The following FRMD7 variants were observed in gnomAD, a reference collection of about 807,000 sequenced individuals.
FRMD7 encodes the protein FERM domain-containing protein 7.
FRMD7 carries 14 observed loss-of-function variants against 44.1 expected under a neutral mutation model. The observed-to-expected ratio is 0.32, with a 90% CI of 0.21 to 0.50. FRMD7 has a LOEUF of 0.50. FRMD7 is among the 20% of genes least tolerant of loss of function. The pLI is 0.99. For synonymous variants in FRMD7, 212 were observed against 187.4 expected (o/e 1.13, Z -1.07); for missense variants, 501 against 522.3 (o/e 0.96, Z 0.40).
chrX:132,111,127 C>T (rs1454998502), intron 1 of FRMD7, among the ~76,000 whole-genome samples: 2 of 112,070 alleles, frequency 1.8e-5, no homozygotes, highest in Non-Finnish European at 3.8e-5. Flanking sequence ...AATATGATCA[C>T]ATCACTGTAC....
chrX:132,116,886 G>C (rs1352147454), intron 1 of FRMD7, among the ~76,000 whole-genome samples: 1 of 112,277 alleles, frequency 8.9e-6, no homozygotes, highest in Non-Finnish European at 1.9e-5. Context: ...ACTGCAACAT[G>C]GTGGTTCTTG....
rs749047439 is a variant in FRMD7 at position 132,107,604 on chromosome X, G to GGAGAGAGAGA, written c.58-6898_58-6889dup. ...CCTTTTCACTATATTTCTACATGGT[G>GGAGAGAGAGA]GAGAGAGAGAGAGAGAGAGAGAGAG... On this transcript the variant is annotated intron_variant, in intron 1 of 11. Transcript: ENST00000298542. 7.7e-4 allele frequency among the ~76,000 whole-genome samples: 70 copies of GGAGAGAGAGA among 91,193 alleles called. 1 individual carries two copies. Among genetic ancestry groups the GGAGAGAGAGA allele is most frequent in the Admixed American group, 9.2e-4 (8 of 8,653 alleles). The allele number at this position is 91,193 out of a possible 115,157, so 79.2% of individuals were successfully genotyped here. A position where few individuals can be genotyped will look rare whatever the true frequency, so the allele number is the denominator to read the frequency against.
intron 1 of FRMD7, among the ~76,000 whole-genome samples, chrX:132,105,199 C>G (rs1928614120): frequency 9.0e-6 from 1 of 111,598 alleles, no homozygotes; most frequent in Non-Finnish European, 1.9e-5. Flanking sequence ...AAAGGGAATA[C>G]AATCAGAAGT....
intron 1 of FRMD7, among the ~76,000 whole-genome samples, chrX:132,117,672 G>A (rs1928935301): frequency 1.8e-5 from 2 of 111,896 alleles, no homozygotes; most frequent in Admixed American, 9.5e-5. Flanking sequence ...AAGGATCACA[G>A]AGTAAAGCTC....
intron 1 of FRMD7, among the ~76,000 whole-genome samples, chrX:132,108,357 C>A (rs1033238276): frequency 4.5e-5 from 5 of 111,334 alleles, no homozygotes; most frequent in Non-Finnish European, 9.4e-5. Flanking sequence ...TACAAAAAAA[C>A]CACTGAATTG....
intron 1 of FRMD7, among the ~76,000 whole-genome samples, chrX:132,108,881 T>G (rs1928710301): frequency 9.0e-6 from 1 of 110,919 alleles, no homozygotes; most frequent in Admixed American, 9.6e-5. Context: ...TGTGAAGAGG[T>G]GCCCGTCCGC....
intron 4 of FRMD7, among the ~76,000 whole-genome samples, 172 bp downstream of exon 4, chrX:132,097,094 T>C (rs1485134019): frequency 1.8e-5 from 2 of 111,222 alleles, no homozygotes; most frequent in African/African-American, 6.6e-5. Context: ...CTTTGGATGA[T>C]GAACACCTGG....
chrX:132,115,346 A>G (rs1375168434), intron 1 of FRMD7, among the ~76,000 whole-genome samples: 1 of 112,576 alleles, frequency 8.9e-6, no homozygotes, highest in Non-Finnish European at 1.9e-5. Flanking sequence ...GGTATGCAGC[A>G]TAACTCAAAA....
At chrX:132,113,805 T>C (rs1298147248) in intron 1 of FRMD7, among the ~76,000 whole-genome samples, 1 of 111,441 alleles carries the variant, frequency 9.0e-6, no homozygotes, top group East Asian at 2.8e-4. Flanking sequence ...ACTCTTTTAG[T>C]TATTTTAAAA....
chrX:132,088,236 C>G (rs1241011361), intron 5 of FRMD7, among the ~76,000 whole-genome samples: 1 of 112,395 alleles, frequency 8.9e-6, no homozygotes, highest in Non-Finnish European at 1.9e-5. Context: ...TTTACTTGCA[C>G]TCAACATGAT....
At chrX:132,097,210 G>A in intron 4 of FRMD7, 56 bp downstream of exon 4, 1 of 869,473 alleles carries the variant, frequency 1.2e-6, no homozygotes, top group South Asian at 2.0e-5. Flanking sequence ...CCCAATAAAT[G>A]GAGAATAATG....
chrX:132,087,427 G>A (rs1772567258), intron 5 of FRMD7, among the ~76,000 whole-genome samples: 1 of 110,671 alleles, frequency 9.0e-6, no homozygotes, highest in Non-Finnish European at 1.9e-5. Flanking sequence ...TTTTCCATTT[G>A]TGTTTTAGAC....
chrX:132,081,768 C>CT (rs150405845), intron 9 of FRMD7, among the ~76,000 whole-genome samples: 9,669 of 110,683 alleles, frequency 0.087, 378 homozygotes, highest in Non-Finnish European at 0.11. Context: ...AAGACAAGAT[C>CT]TTTTTTTTTA....
At position 132,091,670 on chromosome X, in the gene FRMD7, C is replaced by CAA. The variant is rs35822147; in HGVS notation, c.382+2370_382+2371dup. Among the ~76,000 whole-genome samples, 399 of 48,106 alleles carry CAA rather than the reference C, an allele frequency of 8.3e-3. 4 individuals are homozygous for CAA. The highest frequency in any genetic ancestry group is 0.025 in the African/African-American group (348 of 13,801). 41.8% of individuals were successfully genotyped at this position (48,106 alleles called of 115,157 possible). ...GAAACCCTGTCTCTAACTAAAAATA[C>CAA]AAAAAAAAAAAAAAAAAAGCCGGGT... is the stretch of plus-strand genomic sequence containing the variant. On this transcript the variant is annotated intron_variant, in intron 5 of 11. Transcript: ENST00000298542.
intron 3 of FRMD7, 83 bp from the exon 4 acceptor site, chrX:132,097,427 A>G: frequency 3.7e-6 from 2 of 545,612 alleles, no homozygotes; most frequent in Non-Finnish European, 6.5e-6. Context: ...ACACACACAC[A>G]CCCACACACA....
intron 5 of FRMD7, among the ~76,000 whole-genome samples, chrX:132,086,490 G>C (rs1261504069): frequency 9.0e-6 from 1 of 110,852 alleles, no homozygotes; most frequent in Non-Finnish European, 1.9e-5. Flanking sequence ...GGTGATTGAG[G>C]TGAAATGACT....
At chrX:132,088,143 G>T (rs1176389099) in intron 5 of FRMD7, among the ~76,000 whole-genome samples, 7 of 112,285 alleles carry the variant, frequency 6.2e-5, no homozygotes, top group Non-Finnish European at 1.3e-4. Flanking sequence ...ATTCAACATT[G>T]TACTGATGGT....
rs767688020 is a variant in FRMD7 at position 132,085,719 on chromosome X, G to T, written c.507C>A (p.Ser169Arg). ...MHFHQKHIGR[S>R]PAESDILLLD... is the part of the protein sequence containing the mutation. ...GTAGCAGAATGTCAGATTCAGCTGG[G>T]CTCCTGCCACTGAAAGGGGAAAGAA... is the stretch of plus-strand genomic sequence containing the variant. The change falls in exon 7 of 12, where the codon AGC (serine) becomes AGA (arginine). Residue 169 changes from serine to arginine, a missense_variant. By Grantham distance (110) the Ser-to-Arg change is moderately radical. This residue lies in a region of FRMD7 where 453 missense variants were observed against 452.7 expected (regional missense o/e 1.00). Coordinates refer to ENST00000298542, the MANE Select transcript of FRMD7 (RefSeq NM_194277.3). 1 of 1,209,408 alleles carries T rather than the reference G, an allele frequency of 8.3e-7. No homozygotes were observed. The highest frequency in any genetic ancestry group is 1.1e-6 in the Non-Finnish European group (1 of 893,529).
chrX:132,119,257 G>T (rs1928977972), intron 1 of FRMD7, among the ~76,000 whole-genome samples: 1 of 112,349 alleles, frequency 8.9e-6, no homozygotes, highest in African/African-American at 3.2e-5. Context: ...AGTAATGATT[G>T]TATGAAATAA....
Sources: allele counts gnomAD v4.1 joint callset (sites outside exome capture counted in the v4.1 genomes callset), GRCh38; gene constraint gnomAD v4.1.1; regional missense constraint gnomAD v4.1.1; transcripts MANE v1.5; gene names NCBI Gene and HGNC (gene_info 2026-07-23, HGNC 2026-07-21).